ZNF536: variants seen among roughly 807,000 people sequenced by gnomAD.
ZNF536 encodes the protein zinc finger protein 536.
In ZNF536, 13 loss-of-function variants were observed where a neutral mutation model predicts 84.5. The observed-to-expected ratio is 0.15, with a 90% CI of 0.10 to 0.24. The LOEUF is 0.24. Ranked by LOEUF, ZNF536 falls within the 10% of genes least tolerant of loss-of-function variation. The pLI is 1.00. For synonymous variants in ZNF536, 811 were observed against 742.5 expected, an observed-to-expected ratio of 1.09 and a Z score of -1.50; for missense variants, 1,536 against 1,747.5, an observed-to-expected ratio of 0.88 and a Z score of 2.16.
chr19:30,530,687 A>G (rs931834163), intron 2 of ZNF536, among the ~76,000 whole-genome samples: 1 of 152,124 alleles, frequency 6.6e-6, no homozygotes. Flanking sequence ...TGGAGTGGCT[A>G]GGAAAGGGCT....
chr19:30,683,613 T>C (rs2051060949), intron 1 of ZNF536, among the ~76,000 whole-genome samples: 1 of 152,216 alleles, frequency 6.6e-6, no homozygotes, highest in Non-Finnish European at 1.5e-5. Flanking sequence ...TGTCAAGGCT[T>C]AGCAGTATTT....
chr19:30,468,285 TGG>T (rs2053495585), intron 2 of ZNF536, among the ~76,000 whole-genome samples: 1 of 152,094 alleles, frequency 6.6e-6, no homozygotes, highest in Non-Finnish European at 1.5e-5. Flanking sequence ...CGATAAGGCT[TGG>T]GGCTGGGAAG....
intron 1 of ZNF536, among the ~76,000 whole-genome samples, chr19:30,411,859 A>G (rs2050508834): frequency 6.6e-6 from 1 of 152,088 alleles, no homozygotes; most frequent in South Asian, 2.1e-4. Context: ...GGATTTATAG[A>G]TTAATTTTAA....
intron 1 of ZNF536, among the ~76,000 whole-genome samples, chr19:30,391,160 A>G (rs1490155313): frequency 6.6e-6 from 1 of 152,198 alleles, no homozygotes; most frequent in Non-Finnish European, 1.5e-5. Context: ...CAAATCACTC[A>G]CTGCCACTTT....
Position 30,465,299 on chromosome 19 carries a change from A to G in ZNF536, c.2170+19567A>G, listed in dbSNP as rs551169932. 4.1e-4 allele frequency among the ~76,000 whole-genome samples: 63 copies of G among 152,114 alleles called. 1 individual carries two copies. Among genetic ancestry groups the G allele is most frequent in the Non-Finnish European group, 7.8e-4 (53 of 67,978 alleles). Reference sequence around the variant, plus strand: ...TTCATCTCACCTTCACCTCAACGCCACTTCCTCTGGGAGGCCTTTCCAGGG... The same window carrying G: ...TTCATCTCACCTTCACCTCAACGCCGCTTCCTCTGGGAGGCCTTTCCAGGG... On this transcript the variant is annotated intron_variant, in intron 2 of 4. Coordinates refer to ENST00000355537, the MANE Select transcript of ZNF536 (RefSeq NM_014717.3).
intron 1 of ZNF536, among the ~76,000 whole-genome samples, chr19:30,690,690 T>A (rs2051372233): frequency 6.6e-6 from 1 of 152,108 alleles, no homozygotes. Flanking sequence ...AGCTGCCCCA[T>A]TTCCTGCGTC....
intron 2 of ZNF536, among the ~76,000 whole-genome samples, chr19:30,323,474 GA>G (rs530360282): frequency 6.6e-6 from 1 of 152,236 alleles, no homozygotes; most frequent in Non-Finnish European, 1.5e-5. Flanking sequence ...TATGCAGGGA[GA>G]GGGGAAAAGC....
At chr19:30,694,065 G>A (rs2051547855) in intron 1 of ZNF536, among the ~76,000 whole-genome samples, 1 of 152,096 alleles carries the variant, frequency 6.6e-6, no homozygotes, top group Admixed American at 6.5e-5. Flanking sequence ...AGATAACCTT[G>A]GATGCCAGCT....
At chr19:30,403,813 G>A (rs1001548667) in intron 1 of ZNF536, among the ~76,000 whole-genome samples, 1 of 152,066 alleles carries the variant, frequency 6.6e-6, no homozygotes, top group Non-Finnish European at 1.5e-5. Flanking sequence ...TCTTGACAAC[G>A]GTGTCTGCAC....
At chr19:30,639,901 T>C (rs2049202126) in intron 1 of ZNF536, among the ~76,000 whole-genome samples, 1 of 152,220 alleles carries the variant, frequency 6.6e-6, no homozygotes, top group Non-Finnish European at 1.5e-5. Flanking sequence ...TCTTGACCTG[T>C]CAAGTCTTGG....
chr19:30,627,993 G>A (rs368995592), intron 1 of ZNF536, among the ~76,000 whole-genome samples: 13 of 152,230 alleles, frequency 8.5e-5, no homozygotes, highest in African/African-American at 2.9e-4. Context: ...CGTGTCCCCC[G>A]TACCACCCCT....
Position 30,514,009 on chromosome 19 carries a change from G to T in ZNF536, c.2171-20838G>T, listed in dbSNP as rs188739011. The stretch of plus-strand genomic sequence containing the variant: ...ACGAGAGCCCATTGGCTTTCTGTGT[G>T]GGGGAGCAATGCACCAGCTCAGTGA... On this transcript the variant is annotated intron_variant, in intron 2 of 4. Coordinates refer to ENST00000355537, the MANE Select transcript of ZNF536 (RefSeq NM_014717.3). 2.2e-3 allele frequency among the ~76,000 whole-genome samples: 328 copies of T among 152,322 alleles called. 2 individuals carry two copies. The highest frequency in any genetic ancestry group is 3.9e-3 in the South Asian group (19 of 4,820).
chr19:30,705,309 A>ATGTGTGTGTGTGTGTGTGTG (rs56199909), intron 1 of ZNF536, among the ~76,000 whole-genome samples: 23 of 149,110 alleles, frequency 1.5e-4, no homozygotes, highest in African/African-American at 5.7e-4. Context: ...ACTCAGAAAG[A>ATGTGTGTGTGTGTGTGTGTG]TGTGTGTGTG....
intron 2 of ZNF536, among the ~76,000 whole-genome samples, chr19:30,289,303 T>A (rs1037268317): frequency 1.3e-5 from 2 of 152,246 alleles, no homozygotes; most frequent in African/African-American, 4.8e-5. Flanking sequence ...TGGTTTATTA[T>A]GTATGCAAGT....
At chr19:30,243,686 G>GTGC (rs2024089671) in intron 1 of ZNF536, among the ~76,000 whole-genome samples, 7 of 152,210 alleles carry the variant, frequency 4.6e-5, no homozygotes, top group Admixed American at 3.9e-4. Flanking sequence ...GACAGTGCTA[G>GTGC]TGCTGTATTA....
intron 1 of ZNF536, among the ~76,000 whole-genome samples, chr19:30,646,370 G>A (rs575711298): frequency 3.9e-5 from 6 of 152,316 alleles, no homozygotes; most frequent in South Asian, 2.1e-4. Context: ...ACATGTTCAC[G>A]ACTGTGTGTA....
At chr19:30,424,488 A>G (rs891093714) in intron 1 of ZNF536, among the ~76,000 whole-genome samples, 1 of 152,150 alleles carries the variant, frequency 6.6e-6, no homozygotes. Context: ...TGCTGAGCAC[A>G]CAGGGATCTG....
At chr19:30,226,116 A>G (rs1465390013), upstream of ZNF536, among the ~76,000 whole-genome samples, 1 of 150,444 alleles carries the variant, frequency 6.6e-6, no homozygotes, top group Non-Finnish European at 1.5e-5. The surrounding 1 kb of genome is among the most constrained non-coding windows in gnomAD (Gnocchi z 4.6). Flanking sequence ...CCGGCGCGCG[A>G]TCGGGACCCC....
chr19:30,510,016 T>C (rs1198621306), intron 2 of ZNF536, among the ~76,000 whole-genome samples: 1 of 152,198 alleles, frequency 6.6e-6, no homozygotes, highest in Admixed American at 6.5e-5. Flanking sequence ...TATCACTGCA[T>C]CTGACATGAA....
Sources: gnomAD v4.1 joint callset for allele counts (sites outside exome capture counted in the v4.1 genomes callset) on GRCh38, gnomAD v4.1.1 for gene constraint, Gnocchi (gnomAD v3.1) non-coding constraint, MANE v1.5 for transcripts, NCBI Gene and HGNC (gene_info 2026-07-23, HGNC 2026-07-21) for gene names.